Variants in SMCR8 observed in about 807,000 individuals in gnomAD.
SMCR8 encodes SMCR8-C9orf72 complex subunit, also known as guanine nucleotide exchange protein SMCR8.
SMCR8 carries 30 observed loss-of-function variants against 56.6 expected under a neutral mutation model. That is an observed-to-expected ratio of 0.53 (90% CI 0.40 to 0.72). SMCR8 has a LOEUF of 0.72. Among genes scored for constraint, SMCR8 ranks in the 30% least tolerant of loss-of-function variants. The probability of loss-of-function intolerance (pLI) is 0.00; values close to 1 mark genes in which losing one functional copy is unlikely to be tolerated. For missense variants in SMCR8, 1,198 were observed against 1,157.0 expected (o/e 1.04, Z -0.51); for synonymous variants, 538 against 456.0 (o/e 1.18, Z -2.29).
chr17:18,318,511 C>G (rs1982403158), intron 1 of SMCR8, among the ~76,000 whole-genome samples: 1 of 152,300 alleles, frequency 6.6e-6, no homozygotes, highest in East Asian at 1.9e-4. Context: ...TCAAGCAATT[C>G]TCTTGCCTCA....
Position 18,322,663 on chromosome 17 carries a change from T to G in SMCR8, c.2407T>G (p.Tyr803Asp), listed in dbSNP as rs200281836. The G allele has an allele frequency of 6.2e-7, 1 of 1,614,006 alleles. No individual in the cohort carries two copies. Among genetic ancestry groups the G allele is most frequent in the Non-Finnish European group, 8.5e-7 (1 of 1,180,034 alleles). ...CGGTACCCTCCATGCCCTGAGCCGC[T>G]ACAGCCGCTACACGAGCATCCTGGA... ...GAGTLHALSR[Y>D]SRYTSILDLD... The change falls in exon 2 of 2, where the codon TAC (tyrosine) becomes GAC (aspartate). Residue 803 changes from tyrosine to aspartate, a missense_variant. Tyr to Asp is a radical substitution (Grantham distance 160). Transcript: ENST00000406438.
In SMCR8 at chr17:18,316,512, G is replaced by A. The variant is rs1982291863; in HGVS notation, c.723G>A (p.Lys241=). 1 of 1,614,170 alleles carries A rather than the reference G, an allele frequency of 6.2e-7. No individual in the cohort carries two copies. The highest frequency in any genetic ancestry group is 8.5e-7 in the Non-Finnish European group (1 of 1,180,044). ...EKANELASVE[K]SIIEHQDLLK... ...CCAATGAACTGGCCAGTGTGGAGAA[G>A]TCCATCATTGAACATCAAGACCTGC... The change falls in exon 1 of 2, where the codon AAG becomes AAA. Residue 241 remains lysine (K), a synonymous_variant. Transcript: ENST00000406438.
At chr17:18,319,101 G>A (rs1982421835) in intron 1 of SMCR8, among the ~76,000 whole-genome samples, 1 of 152,228 alleles carries the variant, frequency 6.6e-6, no homozygotes, top group Non-Finnish European at 1.5e-5. Flanking sequence ...GACGCCACCT[G>A]AGGGTATGAT....
In SMCR8 at chr17:18,317,596, C is replaced by G; in HGVS notation, c.1807C>G (p.His603Asp). The stretch of plus-strand genomic sequence containing the variant: ...GTTGGTGCTGCCCTCCACTCCAGCC[C>G]ACACACACTCTGACGAGGATGGGGT... ...GQLVLPSTPA[H>D]THSDEDGVVS... Residue 603 changes from histidine (H) to aspartate (D), a missense_variant, in exon 1 of 2, where the codon CAC (histidine) becomes GAC (aspartate). Coordinates refer to ENST00000406438, the MANE Select transcript of SMCR8 (RefSeq NM_144775.3). The G allele has an allele frequency of 6.2e-7, 1 of 1,614,174 alleles. No homozygotes were observed. The highest frequency in any genetic ancestry group is 8.5e-7 in the Non-Finnish European group (1 of 1,180,044).
Position 18,323,376 on chromosome 17 carries a change from T to C in SMCR8, c.*306T>C, listed in dbSNP as rs1032534952. Reference sequence around the variant, plus strand: ...GCCAGGGCAGAAGGGAAGCCACCAGTCCCTTGGTGGGGCAGGGTGAGGGCA... The same window carrying C: ...GCCAGGGCAGAAGGGAAGCCACCAGCCCCTTGGTGGGGCAGGGTGAGGGCA... On this transcript the variant is annotated 3_prime_UTR_variant, in exon 2 of 2. Coordinates refer to ENST00000406438, the MANE Select transcript of SMCR8 (RefSeq NM_144775.3). 2.7e-6 allele frequency: 1 copy of C among 371,864 alleles called. No homozygotes were observed. The highest frequency in any genetic ancestry group is 4.8e-5 in the East Asian group (1 of 20,766). The allele number at this position is 371,864 out of a possible 1,614,324, so 23.0% of individuals were successfully genotyped here.
rs1295938121 is a variant in SMCR8 at position 18,327,886 on chromosome 17, ATTAAT to A, written c.*4820_*4824del. 2.0e-5 allele frequency: 3 copies of A among 152,732 alleles called. No individual in the cohort carries two copies. Among genetic ancestry groups the A allele is most frequent in the African/African-American group, 7.2e-5 (3 of 41,566 alleles). 9.5% of individuals were successfully genotyped at this position (152,732 alleles called of 1,614,324 possible). ...GTATGAGAAGTGTACTTTTTAAGAAATTAATTTATTTGAGTTCAAATATTTTTGAA... is the reference window on the plus strand; with the variant it reads ...GTATGAGAAGTGTACTTTTTAAGAAATTATTTGAGTTCAAATATTTTTGAA... On this transcript the variant is annotated 3_prime_UTR_variant, in exon 2 of 2. Coordinates refer to ENST00000406438, the MANE Select transcript of SMCR8 (RefSeq NM_144775.3).
At position 18,317,995 on chromosome 17, in the gene SMCR8, C is replaced by T. The variant is rs1227287922; in HGVS notation, c.2206C>T (p.Leu736=). 6.2e-7 allele frequency: 1 copy of T among 1,614,132 alleles called. No homozygotes were observed. The part of the protein sequence containing the change: ...SLLSGRTLVV[L]GEDEAIVRKL... ...GCTCAGTGGGAGGACACTTGTGGTC[C>T]TGGGGGAAGATGAGGCCATAGTCAG... The change falls in exon 1 of 2, where the codon CTG becomes TTG. Residue 736 remains leucine (L), a synonymous_variant. Transcript: ENST00000406438.
At chr17:18,321,725 G>A (rs557486825) in intron 1 of SMCR8, among the ~76,000 whole-genome samples, 29 of 152,304 alleles carry the variant, frequency 1.9e-4, no homozygotes, top group Admixed American at 1.8e-3. Context: ...CCAAATACTT[G>A]GGAGGCCAAG....
intron 1 of SMCR8, 141 bp downstream of exon 1, chr17:18,318,290 CCT>C (rs2142993725): frequency 1.2e-6 from 1 of 805,470 alleles, no homozygotes. Flanking sequence ...AAGTCATCCC[CCT>C]CTCTGGTTTC....
At position 18,317,669 on chromosome 17, in the gene SMCR8, G is replaced by T. The variant is rs375565691; in HGVS notation, c.1880G>T (p.Arg627Leu). The T allele has an allele frequency of 2.5e-6, 4 of 1,614,174 alleles. No individual in the cohort carries two copies. The South Asian group carries it at 4.4e-5, about 18-fold the overall frequency. The change falls in exon 1 of 2, where the codon CGT (arginine) becomes CTT (leucine). Residue 627 changes from arginine to leucine, a missense_variant. Coordinates refer to ENST00000406438, the MANE Select transcript of SMCR8 (RefSeq NM_144775.3). ...CACAGGCAGAAGGACCAGGGGTTCC[G>T]TGTAGACTTTTCAGTGGAAAATGCC... ...QRHRQKDQGFRVDFSVENANP... is the reference protein window; with the variant it reads ...QRHRQKDQGFLVDFSVENANP...
chr17:18,315,624 C>T lies in SMCR8; in HGVS notation c.-166C>T, dbSNP rs1379774178. ...CAACTGTGAGGGGGCTGCTAGAGTTCTTCTCCTCGGGTGTGTGAGAAGCAG... is the reference window on the plus strand; with the variant it reads ...CAACTGTGAGGGGGCTGCTAGAGTTTTTCTCCTCGGGTGTGTGAGAAGCAG... On this transcript the variant is annotated 5_prime_UTR_variant, in exon 1 of 2. Coordinates refer to ENST00000406438, the MANE Select transcript of SMCR8 (RefSeq NM_144775.3). 3.2e-6 allele frequency: 2 copies of T among 619,096 alleles called. No homozygotes were observed. The highest frequency in any genetic ancestry group is 2.1e-5 in the South Asian group (1 of 47,518). The allele number at this position is 619,096 out of a possible 1,614,324, so 38.4% of individuals were successfully genotyped here.
rs1176632705 is a variant in SMCR8, at chr17:18,315,940, G to T, written c.151G>T (p.Ala51Ser). The T allele has an allele frequency of 6.2e-7, 1 of 1,614,194 alleles. No individual in the cohort carries two copies. The highest frequency in any genetic ancestry group is 1.1e-5 in the South Asian group (1 of 91,088). Residue 51 changes from alanine (A) to serine (S), a missense_variant, in exon 1 of 2, where the codon GCC (alanine) becomes TCC (serine). Ala to Ser is a moderately conservative substitution (Grantham distance 99). Coordinates refer to ENST00000406438, the MANE Select transcript of SMCR8 (RefSeq NM_144775.3). ...TAACCCCTGGTCAAAACTGTCCGGG[G>T]CCAAGTTTTCGAGGGACTTCATTCT... is the stretch of plus-strand genomic sequence containing the variant. ...GANPWSKLSG[A>S]KFSRDFILIS...
intron 1 of SMCR8, among the ~76,000 whole-genome samples, chr17:18,321,495 T>C (rs959862745): frequency 6.6e-6 from 1 of 152,228 alleles, no homozygotes; most frequent in African/African-American, 2.4e-5. Context: ...AGGGCCAGCA[T>C]TGTCCTAAGC....
rs1982532747 is a variant in SMCR8 at position 18,322,639 on chromosome 17, G to GGTACCC, written c.2384_2389dup (p.Thr796_Leu797insArgThr). On this transcript the variant is annotated inframe_insertion, in exon 2 of 2. Coordinates refer to ENST00000406438, the MANE Select transcript of SMCR8 (RefSeq NM_144775.3). Reference sequence around the variant, plus strand: ...CAGAGTGGCCTCCCCTGCCGGTGCCGGTACCCTCCATGCCCTGAGCCGCTA... The same window carrying GGTACCC: ...CAGAGTGGCCTCCCCTGCCGGTGCCGGTACCCGTACCCTCCATGCCCTGAGCCGCTA... 8 of 1,613,720 alleles carry GGTACCC rather than the reference G, an allele frequency of 5.0e-6. No individual in the cohort carries two copies. Among genetic ancestry groups the GGTACCC allele is most frequent in the Non-Finnish European group, 6.8e-6 (8 of 1,179,788 alleles).
At position 18,317,042 on chromosome 17, in the gene SMCR8, A is replaced by T. The variant is rs1310681592; in HGVS notation, c.1253A>T (p.Tyr418Phe). 2.5e-6 allele frequency: 4 copies of T among 1,614,106 alleles called. No individual in the cohort carries two copies. The highest frequency in any genetic ancestry group is 2.2e-5 in the East Asian group (1 of 44,900). ...AAAGTGTTAATTAGTGTTGGTTCTT[A>T]CAAGTCCAGTGTGGAGTCTGTGTTG... ...IPKVLISVGS[Y>F]KSSVESVLIK... The change falls in exon 1 of 2, where the codon TAC becomes TTC. Residue 418 changes from tyrosine (Y) to phenylalanine (F), a missense_variant. Physicochemically the swap from Tyr to Phe is conservative, Grantham distance 22 (BLOSUM62 3). Coordinates refer to ENST00000406438, the MANE Select transcript of SMCR8 (RefSeq NM_144775.3).
chr17:18,326,057 T>G lies in SMCR8; in HGVS notation c.*2987T>G, dbSNP rs1283983788. ...CACCCTGGGCAACAAGAGCGAAAACTGTCTCAAAAAAAAAAAATTTTTCAT... is the reference window on the plus strand; with the variant it reads ...CACCCTGGGCAACAAGAGCGAAAACGGTCTCAAAAAAAAAAAATTTTTCAT... On this transcript the variant is annotated 3_prime_UTR_variant, in exon 2 of 2. Coordinates refer to ENST00000406438, the MANE Select transcript of SMCR8 (RefSeq NM_144775.3). 1.3e-5 allele frequency: 2 copies of G among 151,486 alleles called. No individual in the cohort carries two copies. Among genetic ancestry groups the G allele is most frequent in the Non-Finnish European group, 2.9e-5 (2 of 67,920 alleles). 9.4% of individuals were successfully genotyped at this position (151,486 alleles called of 1,614,324 possible).
rs202232459 is a variant in SMCR8 at position 18,316,558 on chromosome 17, C to A, written c.769C>A (p.Pro257Thr). 1.9e-6 allele frequency: 3 copies of A among 1,614,150 alleles called. No individual in the cohort carries two copies. The highest frequency in any genetic ancestry group is 2.7e-5 in the African/African-American group (2 of 75,032). Residue 257 changes from proline to threonine, a missense_variant, in exon 1 of 2, where the codon CCT becomes ACT. Pro to Thr is a conservative substitution (Grantham distance 38). Coordinates refer to ENST00000406438, the MANE Select transcript of SMCR8 (RefSeq NM_144775.3). ...CCTGCTGAAGCAGATCCGCTCATAC[C>A]CTCATCGGAAGTTGAAGGGGCATGA... Reference protein sequence around the residue: ...QDLLKQIRSYPHRKLKGHDLC... With the variant: ...QDLLKQIRSYTHRKLKGHDLC...
Position 18,322,744 on chromosome 17 carries a change from C to T in SMCR8, c.2488C>T (p.Leu830=). The T allele has an allele frequency of 6.2e-7, 1 of 1,614,214 alleles. No homozygotes were observed. The highest frequency in any genetic ancestry group is 8.5e-7 in the Non-Finnish European group (1 of 1,180,034). Reference sequence around the variant, plus strand: ...TTACAGAGGCACCCTGGTGCCCCGCCTGGCAGACCACCGCACACAGATCAA... The same window carrying T: ...TTACAGAGGCACCCTGGTGCCCCGCTTGGCAGACCACCGCACACAGATCAA... ...PLYRGTLVPR[L]ADHRTQIKRG... is the part of the protein sequence containing the mutation. The change falls in exon 2 of 2, where the codon CTG becomes TTG. Residue 830 remains leucine (L), a synonymous_variant. Transcript: ENST00000406438.
rs969412477 is a variant in SMCR8 at position 18,315,934 on chromosome 17, T to C, written c.145T>C (p.Ser49Pro). 1 of 1,614,062 alleles carries C rather than the reference T, an allele frequency of 6.2e-7. No homozygotes were observed. The highest frequency in any genetic ancestry group is 1.3e-5 in the African/African-American group (1 of 74,914). ...GGGTGCTAACCCCTGGTCAAAACTG[T>C]CCGGGGCCAAGTTTTCGAGGGACTT... is the stretch of plus-strand genomic sequence containing the variant. Reference protein sequence around the residue: ...SQGANPWSKLSGAKFSRDFIL... With the variant: ...SQGANPWSKLPGAKFSRDFIL... The change falls in exon 1 of 2, where the codon TCC (serine) becomes CCC (proline). Residue 49 changes from serine (S) to proline (P), a missense_variant. By Grantham distance (74) the Ser-to-Pro change is moderately conservative (BLOSUM62 -1). Coordinates refer to ENST00000406438, the MANE Select transcript of SMCR8 (RefSeq NM_144775.3).
Sources: allele counts gnomAD v4.1 joint callset (sites outside exome capture counted in the v4.1 genomes callset), GRCh38; gene constraint gnomAD v4.1.1; transcripts MANE v1.5; gene names NCBI Gene and HGNC (gene_info 2026-07-23, HGNC 2026-07-21).